Variants in SUCLG2 observed in about 807,000 individuals in gnomAD.
SUCLG2 encodes succinate-CoA ligase GDP-forming subunit beta.
A neutral mutation model predicts 47.9 loss-of-function variants in SUCLG2; 42 were observed. The ratio of observed to expected loss-of-function variants is 0.88; its 90% confidence interval spans 0.69 to 1.14. The LOEUF (loss-of-function observed/expected upper bound fraction) is 1.14, where lower values mean the gene tolerates loss of function less well. Among genes scored for constraint, SUCLG2 ranks in the 50% most tolerant of loss-of-function variants. The pLI, the probability that SUCLG2 is intolerant of heterozygous loss-of-function variation, is 0.00. For synonymous variants in SUCLG2, 195 were observed against 197.3 expected (o/e 0.99, Z 0.10); for missense variants, 571 against 525.9 (o/e 1.09, Z -0.84).
chr3:67,393,713 T>G (rs2106796200), intron 10 of SUCLG2, among the ~76,000 whole-genome samples: 1 of 152,344 alleles, frequency 6.6e-6, no homozygotes, highest in East Asian at 1.9e-4. Flanking sequence ...ACGGGCAGAC[T>G]GCCTCCTCAA....
At chr3:67,503,379 G>C (rs1705553428) in intron 7 of SUCLG2, among the ~76,000 whole-genome samples, 1 of 152,194 alleles carries the variant, frequency 6.6e-6, no homozygotes, top group African/African-American at 2.4e-5. Flanking sequence ...AAAAGGAGTA[G>C]ATTAATCCTG....
intron 2 of SUCLG2, among the ~76,000 whole-genome samples, chr3:67,605,055 G>A (rs1337917721): frequency 1.3e-5 from 2 of 152,280 alleles, no homozygotes; most frequent in East Asian, 1.9e-4. Flanking sequence ...TGCTGCCACT[G>A]ACAACAATGA....
intron 7 of SUCLG2, among the ~76,000 whole-genome samples, chr3:67,502,897 A>T (rs932249440): frequency 6.6e-6 from 1 of 152,192 alleles, no homozygotes; most frequent in African/African-American, 2.4e-5. Flanking sequence ...TTTGGCTAAA[A>T]GATAAGGGTA....
intron 2 of SUCLG2, among the ~76,000 whole-genome samples, chr3:67,584,808 G>A (rs943996090): frequency 5.3e-5 from 8 of 152,116 alleles, no homozygotes; most frequent in East Asian, 1.9e-4. Context: ...GGGAAGTGCC[G>A]GGCAAAGCAG....
At chr3:67,449,205 T>C (rs762409491) in intron 9 of SUCLG2, among the ~76,000 whole-genome samples, 2 of 152,224 alleles carry the variant, frequency 1.3e-5, no homozygotes, top group African/African-American at 4.8e-5. Flanking sequence ...TTCAAGAATA[T>C]ATATCTCTTG....
At chr3:67,626,856 G>A (rs898008981) in intron 1 of SUCLG2, among the ~76,000 whole-genome samples, 7 of 144,344 alleles carry the variant, frequency 4.8e-5, no homozygotes, top group African/African-American at 1.5e-4. Flanking sequence ...GGAGCTTGCA[G>A]TGAGCCGAGA....
intron 9 of SUCLG2, among the ~76,000 whole-genome samples, chr3:67,487,499 T>TATAC (rs1553649720): frequency 6.7e-6 from 1 of 149,806 alleles, no homozygotes; most frequent in East Asian, 2.0e-4. Flanking sequence ...AACACACATA[T>TATAC]ACACACACAC....
intron 1 of SUCLG2, among the ~76,000 whole-genome samples, chr3:67,652,467 G>A (rs1701303948): frequency 6.6e-6 from 1 of 152,180 alleles, no homozygotes; most frequent in Admixed American, 6.5e-5. Flanking sequence ...CCACGGGCAA[G>A]GGACTATGGA....
chr3:67,463,162 C>T (rs1704380266), intron 9 of SUCLG2, among the ~76,000 whole-genome samples: 2 of 152,058 alleles, frequency 1.3e-5, no homozygotes, highest in Admixed American at 6.6e-5. Flanking sequence ...AATTACAGGC[C>T]CTCTCTGAGA....
chr3:67,597,064 G>A (rs1708309706), intron 2 of SUCLG2, among the ~76,000 whole-genome samples: 1 of 152,220 alleles, frequency 6.6e-6, no homozygotes, highest in South Asian at 2.1e-4. Flanking sequence ...CACAGAAGGT[G>A]AAGCTGTCTT....
chr3:67,565,995 A>G (rs1707444636), intron 2 of SUCLG2, among the ~76,000 whole-genome samples: 1 of 152,222 alleles, frequency 6.6e-6, no homozygotes, highest in African/African-American at 2.4e-5. Flanking sequence ...TTACTGAGGC[A>G]CACTCTGTTC....
At chr3:67,625,019 A>G (rs772101419) in intron 1 of SUCLG2, among the ~76,000 whole-genome samples, 1 of 152,206 alleles carries the variant, frequency 6.6e-6, no homozygotes, top group Admixed American at 6.5e-5. Context: ...TACCCTCTTA[A>G]AATCAGAGGA....
chr3:67,601,803 G>A (rs1251658784), intron 2 of SUCLG2, among the ~76,000 whole-genome samples: 3 of 151,936 alleles, frequency 2.0e-5, no homozygotes, highest in East Asian at 1.9e-4. Flanking sequence ...CCAACATGGC[G>A]AAACCCCGTG....
intron 6 of SUCLG2, among the ~76,000 whole-genome samples, chr3:67,509,874 G>A (rs1040939942): frequency 5.3e-5 from 8 of 152,188 alleles, no homozygotes; most frequent in Non-Finnish European, 1.2e-4. Flanking sequence ...ATCAGAGAAG[G>A]TGACTCTTAC....
In SUCLG2 at chr3:67,448,799, C is replaced by T. The variant is rs141660089; in HGVS notation, c.1062+46999G>A. Reference sequence around the variant, plus strand: ...ACAATGTTTAAACTGCATGAAAAAACACTATTTCTGAATCAAGTGTAAAAA... The same window carrying T: ...ACAATGTTTAAACTGCATGAAAAAATACTATTTCTGAATCAAGTGTAAAAA... On this transcript the variant is annotated intron_variant, in intron 9 of 10. Transcript: ENST00000307227. Among the ~76,000 whole-genome samples the T allele has an allele frequency of 4.7e-3, 715 of 152,168 alleles. 5 individuals carry two copies. Among genetic ancestry groups the T allele is most frequent in the African/African-American group, 0.016 (664 of 41,524 alleles).
intron 1 of SUCLG2, among the ~76,000 whole-genome samples, chr3:67,646,998 G>C (rs965488584): frequency 6.6e-6 from 1 of 152,112 alleles, no homozygotes; most frequent in Non-Finnish European, 1.5e-5. Flanking sequence ...CAGCGATCTT[G>C]TCCTTGCTCT....
intron 6 of SUCLG2, 40 bp from the exon 7 acceptor site, chr3:67,508,943 T>C: frequency 6.9e-7 from 1 of 1,440,624 alleles, no homozygotes; most frequent in South Asian, 1.3e-5. Flanking sequence ...ACCAAAGCAG[T>C]AAAAGAAAAT....
intron 10 of SUCLG2, among the ~76,000 whole-genome samples, chr3:67,379,915 C>T (rs897864528): frequency 7.2e-5 from 11 of 152,210 alleles, no homozygotes; most frequent in Non-Finnish European, 1.3e-4. Flanking sequence ...CTTACTGATG[C>T]TTCCCTCGTC....
intron 1 of SUCLG2, among the ~76,000 whole-genome samples, chr3:67,621,023 G>A (rs953856864): frequency 2.6e-5 from 4 of 152,198 alleles, no homozygotes; most frequent in Admixed American, 2.6e-4. Flanking sequence ...ACCAGATTAA[G>A]GTTAGCAAAC....
Sources: gnomAD v4.1 joint callset for allele counts (sites outside exome capture counted in the v4.1 genomes callset) on GRCh38, gnomAD v4.1.1 for gene constraint, MANE v1.5 for transcripts, NCBI Gene and HGNC (gene_info 2026-07-23, HGNC 2026-07-21) for gene names.